The following CACNA1A variants were observed in gnomAD, a reference collection of about 807,000 sequenced individuals.
CACNA1A encodes the protein calcium voltage-gated channel subunit alpha1 A.
Under a neutral mutation model 262.4 loss-of-function variants are expected in CACNA1A, and 57 were observed. That is an observed-to-expected ratio of 0.22 (90% CI 0.18 to 0.27). The LOEUF (loss-of-function observed/expected upper bound fraction) is 0.27. Among genes scored for constraint, CACNA1A ranks in the 10% least tolerant of loss-of-function variants. The probability of loss-of-function intolerance (pLI) is 1.00; values close to 1 mark genes in which losing one functional copy is unlikely to be tolerated. For missense variants in CACNA1A, 2,526 were observed against 3,562.8 expected (o/e 0.71, Z 7.41); for synonymous variants, 1,431 against 1,419.3 (o/e 1.01, Z -0.18).
chr19:13,458,558 C>T (rs540947759), intron 1 of CACNA1A, among the ~76,000 whole-genome samples: 5 of 152,250 alleles, frequency 3.3e-5, no homozygotes, highest in African/African-American at 1.2e-4. Context: ...TTCCAAGACC[C>T]GAGGCAGGGG....
intron 3 of CACNA1A, among the ~76,000 whole-genome samples, chr19:13,409,631 C>T (rs189956959): frequency 4.0e-4 from 61 of 152,218 alleles, no homozygotes; most frequent in Admixed American, 1.4e-3. Flanking sequence ...CTGCAACCTC[C>T]ACCTTCAGGG....
chr19:13,264,302 G>C (rs1204852466), intron 24 of CACNA1A, among the ~76,000 whole-genome samples: 3 of 152,090 alleles, frequency 2.0e-5, no homozygotes, highest in Non-Finnish European at 4.4e-5. Flanking sequence ...CCCATCCCCA[G>C]TGGGTCACCT....
chr19:13,416,718 G>A (rs566467699), intron 3 of CACNA1A, among the ~76,000 whole-genome samples: 2 of 152,268 alleles, frequency 1.3e-5, no homozygotes, highest in Admixed American at 1.3e-4. Context: ...AGGAGGCTGA[G>A]GCAAGAGAAT....
At chr19:13,501,168 C>G (rs1362108441) in intron 1 of CACNA1A, among the ~76,000 whole-genome samples, 1 of 149,894 alleles carries the variant, frequency 6.7e-6, no homozygotes, top group Non-Finnish European at 1.5e-5. Flanking sequence ...GTGAATTTTG[C>G]TACAAATAAA....
chr19:13,235,500 T>C (rs982477203), intron 32 of CACNA1A, 114 bp downstream of exon 32: 2 of 820,658 alleles, frequency 2.4e-6, no homozygotes, highest in Non-Finnish European at 2.1e-6. Context: ...AGATAACAGA[T>C]TCTCTGCACG....
chr19:13,265,748 A>G (rs1335190304), intron 24 of CACNA1A, among the ~76,000 whole-genome samples: 1 of 152,168 alleles, frequency 6.6e-6, no homozygotes, highest in Non-Finnish European at 1.5e-5. Context: ...GGTAGATGCT[A>G]ATAGGCCTTT....
intron 3 of CACNA1A, among the ~76,000 whole-genome samples, chr19:13,397,315 T>C (rs1377650347): frequency 6.6e-6 from 1 of 152,146 alleles, no homozygotes; most frequent in Non-Finnish European, 1.5e-5. Context: ...TTCCAGATTC[T>C]TGCTTCACCC....
chr19:13,447,538 A>G (rs1000119131), intron 3 of CACNA1A, among the ~76,000 whole-genome samples: 3 of 152,246 alleles, frequency 2.0e-5, no homozygotes, highest in African/African-American at 7.2e-5. Context: ...GGGAGTTTAT[A>G]AGGAGAATTG....
chr19:13,334,816 T>C (rs951459092), intron 7 of CACNA1A, among the ~76,000 whole-genome samples: 3 of 151,888 alleles, frequency 2.0e-5, no homozygotes, highest in Non-Finnish European at 4.4e-5. Context: ...GGGAGTATCA[T>C]TTAAGGCCAG....
At chr19:13,267,216 G>A (rs2056884728) in intron 24 of CACNA1A, among the ~76,000 whole-genome samples, 1 of 152,144 alleles carries the variant, frequency 6.6e-6, no homozygotes, top group African/African-American at 2.4e-5. Flanking sequence ...GGCATCGGAG[G>A]GAGAGACAGA....
intron 3 of CACNA1A, among the ~76,000 whole-genome samples, chr19:13,395,044 TG>T (rs1210614135): frequency 2.6e-5 from 4 of 151,074 alleles, no homozygotes; most frequent in South Asian, 2.1e-4. Context: ...GAGGCCGACG[TG>T]GGTGGATCAC....
intron 3 of CACNA1A, among the ~76,000 whole-genome samples, chr19:13,412,623 G>A (rs930008897): frequency 1.1e-4 from 16 of 151,588 alleles, no homozygotes; most frequent in East Asian, 1.9e-4. Context: ...GACTACAGGC[G>A]CGTGCCACCA....
chr19:13,433,940 C>A (rs2060566415), intron 3 of CACNA1A, among the ~76,000 whole-genome samples: 1 of 152,146 alleles, frequency 6.6e-6, no homozygotes, highest in African/African-American at 2.4e-5. Context: ...TTGAGTGTGG[C>A]AGTTAAGAGC....
intron 3 of CACNA1A, among the ~76,000 whole-genome samples, chr19:13,405,852 T>C (rs975841357): frequency 6.6e-6 from 1 of 152,166 alleles, no homozygotes; most frequent in Admixed American, 6.6e-5. Flanking sequence ...ATTTTACAGA[T>C]GAGAAAACTG....
intron 3 of CACNA1A, among the ~76,000 whole-genome samples, chr19:13,391,101 G>A (rs1402017773): frequency 2.0e-5 from 3 of 152,038 alleles, no homozygotes; most frequent in African/African-American, 4.8e-5. Context: ...TGACCAAGAT[G>A]GTCTCGATCT....
At chr19:13,490,692 GGAAAGAAAGAAAGAAA>G (rs56868654) in intron 1 of CACNA1A, among the ~76,000 whole-genome samples, 57,367 of 132,390 alleles carry the variant, frequency 0.43, 13,164 homozygotes, top group Non-Finnish European at 0.51. Flanking sequence ...GAGAAAGAAA[GGAAAGAAAGAAAGAAA>G]GAAAGAAAGA....
rs191434078 is a variant in CACNA1A, at chr19:13,403,618, C to T, written c.540-31839G>A. 5.9e-5 allele frequency among the ~76,000 whole-genome samples: 9 copies of T among 152,168 alleles called. No individual in the cohort carries two copies. The East Asian group carries it at 1.7e-3, about 29-fold the overall frequency. On this transcript the variant is annotated intron_variant, in intron 3 of 46. Transcript: ENST00000360228. The stretch of plus-strand genomic sequence containing the variant: ...ATGGGTGTGGATAGGGCCAGGCTCA[C>T]AAGATTGTGCTTGGCGACCTTTATA...
Position 13,506,366 on chromosome 19 carries a change from G to T in CACNA1A, c.-142C>A. 3.0e-6 allele frequency: 2 copies of T among 672,232 alleles called. No homozygotes were observed. The highest frequency in any genetic ancestry group is 2.1e-6 in the Non-Finnish European group (1 of 471,160). 41.6% of individuals were successfully genotyped at this position (672,232 alleles called of 1,614,324 possible). On this transcript the variant is annotated 5_prime_UTR_variant, in exon 1 of 47. Transcript: ENST00000360228. ...GCTACGACTGCGGAGACGCTCCACG[G>T]CCCAGCCCATCGGGCGGCGGCGGCT...
At chr19:13,294,914 C>A (rs2057630286) in intron 19 of CACNA1A, among the ~76,000 whole-genome samples, 1 of 152,190 alleles carries the variant, frequency 6.6e-6, no homozygotes, top group African/African-American at 2.4e-5. Flanking sequence ...CTCATCAATG[C>A]ACCTTCAATT....
Sources: allele counts gnomAD v4.1 joint callset (sites outside exome capture counted in the v4.1 genomes callset), GRCh38; gene constraint gnomAD v4.1.1; transcripts MANE v1.5; gene names NCBI Gene and HGNC (gene_info 2026-07-23, HGNC 2026-07-21).